The following MED12L variants were observed in gnomAD, a reference collection of about 807,000 sequenced individuals.
MED12L encodes mediator of RNA polymerase II transcription subunit 12-like protein.
MED12L carries 60 observed loss-of-function variants against 281.3 expected under a neutral mutation model. The ratio of observed to expected loss-of-function variants is 0.21; its 90% CI spans 0.17 to 0.26. MED12L has a LOEUF of 0.26. Ranked by LOEUF, MED12L falls within the 10% of genes least tolerant of loss-of-function variation. MED12L has a pLI of 1.00. For missense variants in MED12L, 2,146 were observed against 2,680.9 expected (o/e 0.80, Z 4.41); for synonymous variants, 974 against 987.2 (o/e 0.99, Z 0.25).
chr3:151,245,030 A>G (rs1454651613), intron 16 of MED12L, among the ~76,000 whole-genome samples: 2 of 152,150 alleles, frequency 1.3e-5, no homozygotes, highest in Admixed American at 6.5e-5. Flanking sequence ...AGAAATGGAT[A>G]AATTCCTTGA....
At chr3:151,135,001 A>C (rs925811494) in intron 5 of MED12L, among the ~76,000 whole-genome samples, 1 of 152,206 alleles carries the variant, frequency 6.6e-6, no homozygotes, top group African/African-American at 2.4e-5. Context: ...TCTGTAAAAA[A>C]ATAAGGATAA....
intron 16 of MED12L, among the ~76,000 whole-genome samples, chr3:151,234,886 G>A (rs1304035604): frequency 6.6e-6 from 1 of 152,202 alleles, no homozygotes; most frequent in Non-Finnish European, 1.5e-5. Context: ...CCTCAGCTGT[G>A]TGACTCTTTT....
intron 16 of MED12L, among the ~76,000 whole-genome samples, chr3:151,246,046 A>G (rs1162535813): frequency 4.1e-4 from 62 of 151,704 alleles, no homozygotes; most frequent in Non-Finnish European, 6.8e-4. Flanking sequence ...TAAAATACCT[A>G]GGAATCCAAC....
chr3:151,386,861 A>G (rs902024035), intron 36 of MED12L, among the ~76,000 whole-genome samples: 2 of 152,058 alleles, frequency 1.3e-5, no homozygotes, highest in Admixed American at 1.3e-4. Flanking sequence ...GGTGTGAGCC[A>G]CCACACCTAG....
At chr3:151,115,267 T>A (rs1712544131) in intron 2 of MED12L, among the ~76,000 whole-genome samples, 2 of 147,934 alleles carry the variant, frequency 1.4e-5, no homozygotes, top group South Asian at 4.3e-4. Flanking sequence ...ATAAAACAGG[T>A]GTGTGCATAG....
chr3:151,211,309 C>G (rs1043094566), intron 16 of MED12L, among the ~76,000 whole-genome samples: 1 of 151,468 alleles, frequency 6.6e-6, no homozygotes, highest in African/African-American at 2.4e-5. Flanking sequence ...ATTTAAAACC[C>G]TAGTATTTAC....
intron 43 of MED12L, among the ~76,000 whole-genome samples, chr3:151,418,842 TA>T (rs1171924907): frequency 1.3e-5 from 2 of 152,240 alleles, no homozygotes; most frequent in Non-Finnish European, 1.5e-5. Context: ...GTGGAAAAAT[TA>T]TTTTTTTTTA....
At chr3:151,146,627 G>A (rs186648983) in intron 5 of MED12L, among the ~76,000 whole-genome samples, 128 of 152,256 alleles carry the variant, frequency 8.4e-4, no homozygotes, top group Admixed American at 7.1e-3. Context: ...TAAAACCAGA[G>A]GGAAATGGCT....
chr3:151,402,261 G>C (rs1283447365), intron 39 of MED12L, among the ~76,000 whole-genome samples: 2 of 152,034 alleles, frequency 1.3e-5, no homozygotes, highest in South Asian at 2.1e-4. Context: ...TATATCCTTT[G>C]GCATTTGAAT....
intron 2 of MED12L, among the ~76,000 whole-genome samples, chr3:151,092,932 A>G (rs1238834093): frequency 6.6e-6 from 1 of 152,172 alleles, no homozygotes; most frequent in Non-Finnish European, 1.5e-5. Context: ...TGCTGTTTTC[A>G]GCTTCTCACA....
chr3:151,241,319 A>G (rs909227549), intron 16 of MED12L, among the ~76,000 whole-genome samples: 3 of 152,220 alleles, frequency 2.0e-5, no homozygotes, highest in South Asian at 2.1e-4. Context: ...ATGTATTTGT[A>G]TCAATATCAA....
At chr3:151,224,939 T>C (rs781360673) in intron 16 of MED12L, among the ~76,000 whole-genome samples, 23 of 152,234 alleles carry the variant, frequency 1.5e-4, no homozygotes, top group South Asian at 4.1e-4. Context: ...CATCAGAACA[T>C]GCTTATTACA....
chr3:151,248,574 C>T (rs957575997), intron 16 of MED12L, among the ~76,000 whole-genome samples: 7 of 152,142 alleles, frequency 4.6e-5, no homozygotes, highest in African/African-American at 9.6e-5. Context: ...CATACCCATC[C>T]GACTGTCTGG....
rs764018257 is a variant in MED12L, at chr3:151,411,551, T to C, written c.6140+44T>C. The C allele has an allele frequency of 1.3e-5, 20 of 1,545,232 alleles. No individual in the cohort carries two copies. In the South Asian group the frequency reaches 2.0e-4, roughly 16 times the overall value. The stretch of plus-strand genomic sequence containing the variant: ...ATGATGGCAATAATGAACAGTCACA[T>C]TCTCGGGTTTCTTATGCTTCTTATA... On this transcript the variant is annotated intron_variant, in intron 41 of 44. Coordinates refer to ENST00000687756, the MANE Select transcript of MED12L (RefSeq NM_001393769.1).
chr3:151,110,261 A>G (rs983426202), intron 2 of MED12L, among the ~76,000 whole-genome samples: 1 of 152,152 alleles, frequency 6.6e-6, no homozygotes, highest in African/African-American at 2.4e-5. Context: ...GTGTCATAAA[A>G]GTTTGTTATT....
At chr3:151,129,961 G>A (rs1308293286) in intron 5 of MED12L, among the ~76,000 whole-genome samples, 9 of 152,110 alleles carry the variant, frequency 5.9e-5, no homozygotes, top group African/African-American at 2.2e-4. Context: ...TAGAGACAGG[G>A]TCTCACTGTG....
In MED12L at chr3:151,380,153, C is replaced by G. The variant is rs866689687; in HGVS notation, c.4519C>G (p.Leu1507Val). 6.2e-7 allele frequency: 1 copy of G among 1,607,942 alleles called. No individual in the cohort carries two copies. The highest frequency in any genetic ancestry group is 1.7e-5 in the Admixed American group (1 of 57,754). ...TCAACAACCCTTCCTCTCACTGGTA[C>G]TTACCTGCCTTAAGGGACAAGATGA... ...LSQQPFLSLV[L>V]TCLKGQDEQR... is the part of the protein sequence containing the mutation. Residue 1507 changes from leucine (L) to valine (V), a missense_variant, in exon 32 of 45, where the codon CTT becomes GTT. By Grantham distance (32) the Leu-to-Val change is conservative. Around this residue, in one of 9 missense-constraint regions of MED12L, gnomAD observed 212 missense variants for 340.8 expected, o/e 0.62. Coordinates refer to ENST00000687756, the MANE Select transcript of MED12L (RefSeq NM_001393769.1).
chr3:151,229,405 C>T (rs1731171679), intron 16 of MED12L, among the ~76,000 whole-genome samples: 2 of 147,032 alleles, frequency 1.4e-5, no homozygotes, highest in Non-Finnish European at 3.0e-5. Flanking sequence ...CTCCCGGGTT[C>T]AAGCGATTCT....
intron 5 of MED12L, among the ~76,000 whole-genome samples, chr3:151,148,671 A>AC (rs1157774708): frequency 2.6e-5 from 4 of 152,208 alleles, no homozygotes; most frequent in Non-Finnish European, 5.9e-5. Flanking sequence ...TTTGCTCCTT[A>AC]GTCTCTGGAC....
Sources: allele counts gnomAD v4.1 joint callset (sites outside exome capture counted in the v4.1 genomes callset), GRCh38; gene constraint gnomAD v4.1.1; regional missense constraint gnomAD v4.1.1; transcripts MANE v1.5; gene names NCBI Gene and HGNC (gene_info 2026-07-23, HGNC 2026-07-21).